The following WDR47 variants were observed in gnomAD, a reference collection of about 807,000 sequenced individuals.
The protein encoded by WDR47 is WD repeat-containing protein 47.
A neutral mutation model predicts 97.2 loss-of-function variants in WDR47; 32 were observed. That is an observed-to-expected ratio of 0.33 (90% CI 0.25 to 0.44). The LOEUF (loss-of-function observed/expected upper bound fraction) is 0.44, where lower values mean the gene tolerates loss of function less well. Ranked by LOEUF, WDR47 falls within the 20% of genes least tolerant of loss-of-function variation. The pLI is 1.00. For synonymous variants in WDR47, 375 were observed against 373.5 expected, an observed-to-expected ratio of 1.00 and a Z score of -0.05; for missense variants, 782 against 1,102.3, an observed-to-expected ratio of 0.71 and a Z score of 4.11.
intron 2 of WDR47, among the ~76,000 whole-genome samples, chr1:109,020,327 C>T (rs1232113341): frequency 6.6e-6 from 1 of 151,164 alleles, no homozygotes; most frequent in Non-Finnish European, 1.5e-5. Context: ...AGCTCACGAT[C>T]TCGGCTCACT....
chr1:108,971,511 C>T lies in WDR47; in HGVS notation c.2679G>A (p.Gln893=), dbSNP rs1657451564. Residue 893 remains glutamine, a synonymous_variant, in exon 15 of 15, where the codon CAG becomes CAA. Transcript: ENST00000369962. ...AAAGATCCTGGGTGTGCCATCTGCA[C>T]TGAATCACTTTGTCCTTGTGCTCCC... The part of the protein sequence containing the change: ...VVGEHKDKVI[Q]CRWHTQDLSF... 1 of 1,614,058 alleles carries T rather than the reference C, an allele frequency of 6.2e-7. No individual in the cohort carries two copies. Among genetic ancestry groups the T allele is most frequent in the Non-Finnish European group, 8.5e-7 (1 of 1,180,038 alleles).
intron 10 of WDR47, 58 bp downstream of exon 10, chr1:108,986,465 C>G: frequency 6.8e-7 from 1 of 1,479,442 alleles, no homozygotes; most frequent in South Asian, 1.5e-5. Flanking sequence ...AAAAAGGAAC[C>G]TATACGGCTA....
At chr1:109,020,188 A>G (rs1167809330) in intron 2 of WDR47, among the ~76,000 whole-genome samples, 3 of 152,128 alleles carry the variant, frequency 2.0e-5, no homozygotes, top group African/African-American at 7.2e-5. Flanking sequence ...AATGTAAGAA[A>G]GGACACAATT....
At chr1:109,028,370 T>TTTTTTG (rs1470040618) in intron 1 of WDR47, among the ~76,000 whole-genome samples, 4 of 134,396 alleles carry the variant, frequency 3.0e-5, no homozygotes, top group Non-Finnish European at 6.4e-5. Context: ...GGGTTTTTTT[T>TTTTTTG]TTTTTTTTTT....
intron 7 of WDR47, among the ~76,000 whole-genome samples, chr1:109,001,639 C>T (rs1261194971): frequency 3.3e-5 from 5 of 152,100 alleles, no homozygotes; most frequent in Non-Finnish European, 5.9e-5. Flanking sequence ...CCTGTAATTC[C>T]TGCACTTTGG....
At chr1:109,020,306 A>C (rs1327725344) in intron 2 of WDR47, among the ~76,000 whole-genome samples, 1 of 149,724 alleles carries the variant, frequency 6.7e-6, no homozygotes, top group Non-Finnish European at 1.5e-5. Flanking sequence ...GCACGATCTC[A>C]GCTCACTGCA....
intron 5 of WDR47, among the ~76,000 whole-genome samples, chr1:109,009,843 C>A (rs1198349957): frequency 1.3e-5 from 2 of 151,872 alleles, no homozygotes; most frequent in Non-Finnish European, 2.9e-5. Flanking sequence ...ACTAAAAATA[C>A]AAAAATTAGT....
intron 12 of WDR47, 147 bp downstream of exon 12, chr1:108,982,462 G>T: frequency 2.2e-6 from 2 of 901,614 alleles, no homozygotes; most frequent in Non-Finnish European, 3.2e-6. Context: ...ACCTCAGGAG[G>T]TTGAGGCCGC....
intron 8 of WDR47, among the ~76,000 whole-genome samples, chr1:108,994,608 G>T (rs1218480301): frequency 6.6e-6 from 1 of 150,416 alleles, no homozygotes; most frequent in Admixed American, 6.6e-5. Flanking sequence ...TATATCAAGA[G>T]AAACAGCCAA....
At chr1:109,002,424 C>G (rs184606) in intron 6 of WDR47, 22 bp from the exon 7 acceptor site, 1 of 1,543,972 alleles carries the variant, frequency 6.5e-7, no homozygotes, top group Non-Finnish European at 8.7e-7. Flanking sequence ...TAGAAAAAAA[C>G]ATATATATTT....
chr1:109,025,666 G>A lies in WDR47; in HGVS notation c.-9-2145C>T, dbSNP rs376327846. Among the ~76,000 whole-genome samples the A allele has an allele frequency of 1.5e-4, 22 of 149,692 alleles. No individual in the cohort carries two copies. In the East Asian group the frequency reaches 3.6e-3, roughly 24 times the overall value. ...GGAGAATTGCTTGAACCCAGGAGGC[G>A]GAGGTTGCAGTGAGCCAAGATTGTG... is the stretch of plus-strand genomic sequence containing the variant. On this transcript the variant is annotated intron_variant, in intron 1 of 14. Coordinates refer to ENST00000369962, the MANE Select transcript of WDR47 (RefSeq NM_001142551.2).
At chr1:109,006,348 G>A (rs1348136530) in intron 5 of WDR47, among the ~76,000 whole-genome samples, 4 of 147,864 alleles carry the variant, frequency 2.7e-5, no homozygotes, top group South Asian at 2.1e-4. Flanking sequence ...AGCCGAGATC[G>A]CGCCATTGCA....
intron 13 of WDR47, 43 bp from the exon 14 acceptor site, chr1:108,974,797 T>C (rs765778475): frequency 8.9e-6 from 13 of 1,453,654 alleles, no homozygotes; most frequent in South Asian, 6.0e-5. Flanking sequence ...AAAATCAATA[T>C]ACCCAAATGG....
At chr1:109,040,490 G>A (rs1344077950) in intron 1 of WDR47, among the ~76,000 whole-genome samples, 1 of 147,894 alleles carries the variant, frequency 6.8e-6, no homozygotes, top group African/African-American at 2.5e-5. Context: ...ACCAGTGGGA[G>A]ATAAACACAG....
At chr1:109,013,758 T>G in intron 4 of WDR47, 83 bp downstream of exon 4, 1 of 1,443,042 alleles carries the variant, frequency 6.9e-7, no homozygotes, top group Non-Finnish European at 9.6e-7. Context: ...AAACTTGTGA[T>G]GCTAATCCTT....
chr1:109,041,752 G>C (rs1663381110), intron 1 of WDR47, 110 bp downstream of exon 1: 1 of 152,312 alleles, frequency 6.6e-6, no homozygotes, highest in South Asian at 2.1e-4. Flanking sequence ...ACAGTCCTCG[G>C]GGCCGCCCGG....
At chr1:108,972,306 A>T (rs749962336) in intron 14 of WDR47, among the ~76,000 whole-genome samples, 2 of 152,042 alleles carry the variant, frequency 1.3e-5, no homozygotes, top group Non-Finnish European at 1.5e-5. Flanking sequence ...CCCTAGTCCA[A>T]GCCACCATCA....
chr1:109,013,770 G>A (rs767412069), intron 4 of WDR47, 71 bp downstream of exon 4: 29 of 1,523,870 alleles, frequency 1.9e-5, no homozygotes, highest in South Asian at 8.2e-5. Flanking sequence ...CTAATCCTTC[G>A]TTTTAGTGAC....
intron 8 of WDR47, chr1:108,992,852 A>G: frequency 7.4e-7 from 1 of 1,357,118 alleles, no homozygotes; most frequent in Non-Finnish European, 1.0e-6. Context: ...GCATTAAAAT[A>G]AATGTAATTA....
Sources: allele counts gnomAD v4.1 joint callset (sites outside exome capture counted in the v4.1 genomes callset), GRCh38; gene constraint gnomAD v4.1.1; transcripts MANE v1.5; gene names NCBI Gene and HGNC (gene_info 2026-07-23, HGNC 2026-07-21).